Variants in CTNND2 observed in about 807,000 individuals in gnomAD.
CTNND2 encodes catenin delta 2, also known as catenin delta-2.
In CTNND2, 22 loss-of-function variants were observed where a neutral mutation model predicts 144.4. The observed-to-expected ratio is 0.15, with a 90% CI of 0.11 to 0.22. The LOEUF (loss-of-function observed/expected upper bound fraction) is 0.22. Among genes scored for constraint, CTNND2 ranks in the 10% least tolerant of loss-of-function variants. The probability of loss-of-function intolerance (pLI) is 1.00; values close to 1 mark genes in which losing one functional copy is unlikely to be tolerated. For missense variants in CTNND2, 1,353 were observed against 1,618.8 expected (o/e 0.84, Z 2.82); for synonymous variants, 751 against 695.6 (o/e 1.08, Z -1.25).
At chr5:11,688,232 C>G (rs989978011) in intron 2 of CTNND2, among the ~76,000 whole-genome samples, 1 of 152,118 alleles carries the variant, frequency 6.6e-6, no homozygotes, top group South Asian at 2.1e-4. Flanking sequence ...TCTCTGCCCC[C>G]AGAGGACATC....
chr5:11,346,954 G>GA (rs1276390674), intron 8 of CTNND2, among the ~76,000 whole-genome samples: 13 of 151,224 alleles, frequency 8.6e-5, no homozygotes, highest in African/African-American at 3.1e-4. Context: ...ACTTTCTAAG[G>GA]AGGCATGGGA....
intron 5 of CTNND2, among the ~76,000 whole-genome samples, chr5:11,398,695 A>G (rs1760358332): frequency 6.6e-6 from 1 of 152,210 alleles, no homozygotes. Context: ...TAATTTAAGA[A>G]ACCCAGTCCT....
intron 16 of CTNND2, among the ~76,000 whole-genome samples, chr5:11,039,765 T>TA (rs1225993181): frequency 1.3e-5 from 2 of 152,044 alleles, no homozygotes; most frequent in African/African-American, 2.4e-5. Flanking sequence ...ACCATTATTT[T>TA]AAAAAACAAG....
intron 15 of CTNND2, among the ~76,000 whole-genome samples, chr5:11,088,763 A>AT (rs11445037): frequency 0.34 from 51,901 of 151,862 alleles, 8,923 homozygotes; most frequent in Non-Finnish European, 0.37. Context: ...CAGTGCAATT[A>AT]TATTTTACTA....
Position 11,486,499 on chromosome 5 carries a change from T to G in CTNND2, c.288-74430A>C, listed in dbSNP as rs116532138. Among the ~76,000 whole-genome samples the G allele has an allele frequency of 6.9e-3, 1,044 of 152,200 alleles. 15 individuals carry two copies. Among genetic ancestry groups the G allele is most frequent in the African/African-American group, 0.024 (1,000 of 41,510 alleles). On this transcript the variant is annotated intron_variant, in intron 3 of 21. Transcript: ENST00000304623. ...TGAAATGGAAAGTGTGTATAGTCTT[T>G]TTTTCCCCCCAAATTCCTTATCCAG...
intron 2 of CTNND2, among the ~76,000 whole-genome samples, chr5:11,574,593 T>A (rs539152327): frequency 3.9e-5 from 6 of 152,294 alleles, no homozygotes; most frequent in Admixed American, 2.0e-4. Context: ...TGCCTGGAAA[T>A]AAAATATTAG....
chr5:11,626,864 G>A (rs190396969), intron 2 of CTNND2, among the ~76,000 whole-genome samples: 4 of 152,306 alleles, frequency 2.6e-5, no homozygotes, highest in East Asian at 3.8e-4. Flanking sequence ...GAACCCATTA[G>A]TGTTTTAATT....
intron 2 of CTNND2, among the ~76,000 whole-genome samples, chr5:11,648,706 A>G (rs912692259): frequency 1.3e-5 from 2 of 152,186 alleles, no homozygotes; most frequent in Admixed American, 1.3e-4. Context: ...AAAATCTTCT[A>G]GCACCATGGC....
intron 2 of CTNND2, among the ~76,000 whole-genome samples, chr5:11,676,867 T>C (rs1784200624): frequency 6.6e-6 from 1 of 152,230 alleles, no homozygotes; most frequent in Admixed American, 6.5e-5. Flanking sequence ...ATATCAAACC[T>C]GTTTCCCTTT....
At chr5:11,573,474 T>C (rs1446605078) in intron 2 of CTNND2, among the ~76,000 whole-genome samples, 2 of 152,070 alleles carry the variant, frequency 1.3e-5, no homozygotes, top group African/African-American at 4.8e-5. Flanking sequence ...CAAGCCAAGT[T>C]TGAAGGGGAA....
At chr5:11,673,825 G>A (rs1784029254) in intron 2 of CTNND2, among the ~76,000 whole-genome samples, 3 of 152,194 alleles carry the variant, frequency 2.0e-5, no homozygotes, top group African/African-American at 7.2e-5. Context: ...TTTGTTTGAG[G>A]CTCTATGATT....
intron 16 of CTNND2, among the ~76,000 whole-genome samples, chr5:11,081,231 G>T (rs1413168369): frequency 1.1e-5 from 1 of 91,204 alleles, no homozygotes; most frequent in East Asian, 1.1e-3. Context: ...GAGAAGAACA[G>T]ATTTTTTGAG....
chr5:11,533,947 C>T (rs916778348), intron 3 of CTNND2, among the ~76,000 whole-genome samples: 2 of 152,190 alleles, frequency 1.3e-5, no homozygotes, highest in African/African-American at 4.8e-5. Context: ...TCTGCATTCA[C>T]ACTGCCTGTA....
chr5:11,840,820 A>C (rs1794430581), intron 1 of CTNND2, among the ~76,000 whole-genome samples: 1 of 152,178 alleles, frequency 6.6e-6, no homozygotes, highest in Non-Finnish European at 1.5e-5. Context: ...ATACCCAAAA[A>C]TCTGACTGCC....
chr5:11,383,751 A>G (rs1161945288), intron 7 of CTNND2, among the ~76,000 whole-genome samples: 1 of 152,246 alleles, frequency 6.6e-6, no homozygotes, highest in Non-Finnish European at 1.5e-5. Flanking sequence ...TGACACAATT[A>G]CCAAATCCTT....
intron 5 of CTNND2, among the ~76,000 whole-genome samples, chr5:11,408,526 T>G (rs950655684): frequency 6.6e-6 from 1 of 152,176 alleles, no homozygotes; most frequent in Admixed American, 6.5e-5. Context: ...GTTTCTTTTT[T>G]GTTTTGTTTC....
At chr5:11,794,118 C>G (rs745631625) in intron 1 of CTNND2, among the ~76,000 whole-genome samples, 2 of 152,234 alleles carry the variant, frequency 1.3e-5, no homozygotes, top group Non-Finnish European at 2.9e-5. Context: ...TGGCATTAGG[C>G]CAACTCCTGA....
intron 16 of CTNND2, among the ~76,000 whole-genome samples, chr5:11,062,036 A>C (rs937877931): frequency 6.6e-6 from 1 of 152,044 alleles, no homozygotes; most frequent in Non-Finnish European, 1.5e-5. Flanking sequence ...GACTATTTTC[A>C]CCACTAGGCT....
At chr5:11,862,987 G>A (rs1291542807) in intron 1 of CTNND2, among the ~76,000 whole-genome samples, 1 of 152,144 alleles carries the variant, frequency 6.6e-6, no homozygotes, top group East Asian at 1.9e-4. Flanking sequence ...AAAATTCAAC[G>A]TATACAGCTC....
Sources: allele counts gnomAD v4.1 joint callset (sites outside exome capture counted in the v4.1 genomes callset), GRCh38; gene constraint gnomAD v4.1.1; transcripts MANE v1.5; gene names NCBI Gene and HGNC (gene_info 2026-07-23, HGNC 2026-07-21).